The following PLEKHG4 variants were observed in gnomAD, a reference collection of about 807,000 sequenced individuals.
PLEKHG4 encodes the protein pleckstrin homology and RhoGEF domain containing G4.
In PLEKHG4, 85 loss-of-function variants were observed where a neutral mutation model predicts 136.9. That is an observed-to-expected ratio of 0.62 (90% CI 0.52 to 0.74). The LOEUF (loss-of-function observed/expected upper bound fraction) is 0.74. Among genes scored for constraint, PLEKHG4 ranks in the 30% least tolerant of loss-of-function variants. The pLI, the probability that PLEKHG4 is intolerant of heterozygous loss-of-function variation, is 0.00. For synonymous variants in PLEKHG4, 577 were observed against 646.9 expected (o/e 0.89, Z 1.64); for missense variants, 1,317 against 1,527.8 (o/e 0.86, Z 2.30).
Position 67,279,737 on chromosome 16 carries a change from G to T in PLEKHG4, c.-170+111G>T, listed in dbSNP as rs987059587. 55 of 307,166 alleles carry T rather than the reference G, an allele frequency of 1.8e-4. 1 individual carries two copies. The highest frequency in any genetic ancestry group is 4.2e-4 in the South Asian group (8 of 18,844). 19.0% of individuals were successfully genotyped at this position (307,166 alleles called of 1,614,324 possible). ...CCCGAGGCATCGTGGTGCCATGGCG[G>T]GGCCGCCCCCACGGGCATGGGCCTG... On this transcript the variant is annotated intron_variant, in intron 1 of 21. Transcript: ENST00000379344.
At position 67,288,888 on chromosome 16, in the gene PLEKHG4, G is replaced by C. The variant is rs982629584; in HGVS notation, c.*80G>C. Reference sequence around the variant, plus strand: ...CCTCTCTGGATCTGCTGTGACCAGGGTGTGGCTGACACCTGGGCTACCTCC... The same window carrying C: ...CCTCTCTGGATCTGCTGTGACCAGGCTGTGGCTGACACCTGGGCTACCTCC... On this transcript the variant is annotated 3_prime_UTR_variant, in exon 22 of 22. Transcript: ENST00000379344. 14 of 1,527,710 alleles carry C rather than the reference G, an allele frequency of 9.2e-6. No individual in the cohort carries two copies. Among genetic ancestry groups the C allele is most frequent in the Non-Finnish European group, 1.3e-5 (14 of 1,112,170 alleles). 94.6% of individuals were successfully genotyped at this position (1,527,710 alleles called of 1,614,324 possible). A position where few individuals can be genotyped will look rare whatever the true frequency, so the allele number is the denominator to read the frequency against.
intron 7 of PLEKHG4, 27 bp downstream of exon 7, chr16:67,281,864 G>A (rs756100080): frequency 4.4e-6 from 7 of 1,591,050 alleles, no homozygotes; most frequent in African/African-American, 1.3e-5. Flanking sequence ...GGGCATGGGG[G>A]CAGTCATATA....
Position 67,282,035 on chromosome 16 carries a change from C to T in PLEKHG4, c.1032C>T (p.Cys344=), listed in dbSNP as rs1395699996. 6.2e-7 allele frequency: 1 copy of T among 1,613,394 alleles called. No homozygotes were observed. Among genetic ancestry groups the T allele is most frequent in the Non-Finnish European group, 8.5e-7 (1 of 1,179,952 alleles). ...RRRLEALLQN[C]QAACALLQGA... ...GGCTGGAAGCTCTACTACAGAACTGCCAGGCAGCTTGTGCCCTGCTCCAGG... is the reference window on the plus strand; with the variant it reads ...GGCTGGAAGCTCTACTACAGAACTGTCAGGCAGCTTGTGCCCTGCTCCAGG... The change falls in exon 8 of 22, where the codon TGC becomes TGT. Residue 344 remains cysteine (C), a synonymous_variant. Coordinates refer to ENST00000379344, the MANE Select transcript of PLEKHG4 (RefSeq NM_001129729.3).
upstream of PLEKHG4, chr16:67,279,351 A>G: frequency 6.6e-6 from 1 of 151,072 alleles, no homozygotes; most frequent in South Asian, 1.9e-4. Context: ...CACGGAGAGG[A>G]CGGCGGCGGG....
intron 7 of PLEKHG4, 66 bp downstream of exon 7, chr16:67,281,903 C>G (rs1394142136): frequency 1.9e-6 from 3 of 1,546,684 alleles, no homozygotes; most frequent in Non-Finnish European, 8.9e-7. Flanking sequence ...AGGAGCCTCT[C>G]TGGGGCTGGC....
chr16:67,286,596 AG>A lies in PLEKHG4; in HGVS notation c.2685del (p.Ser896AlafsTer175). 6.4e-7 allele frequency: 1 copy of A among 1,560,572 alleles called. No individual in the cohort carries two copies. Among genetic ancestry groups the A allele is most frequent in the Non-Finnish European group, 8.7e-7 (1 of 1,151,722 alleles). ...TQELSALREA[Q>X]SLVHFQLRHG... ...GAGCTCAGTGCGCTGCGGGAGGCCC[AG>A]AGCCTTGTGCACTTCCAGCTGCGGC... On this transcript the variant is annotated frameshift_variant, in exon 16 of 22. Transcript: ENST00000379344. LOFTEE classifies it high-confidence loss of function.
chr16:67,286,437 G>T lies in PLEKHG4; in HGVS notation c.2533-8G>T. On this transcript the variant is annotated splice_region_variant and splice_polypyrimidine_tract_variant and intron_variant, in intron 15 of 21. Transcript: ENST00000379344. The stretch of plus-strand genomic sequence containing the variant: ...CAAACCACTCAGTGGCCTCCCATCC[G>T]CCCACAGGACAAGCAGCAAGCACTG... The T allele has an allele frequency of 6.2e-7, 1 of 1,612,540 alleles. No individual in the cohort carries two copies. The highest frequency in any genetic ancestry group is 8.5e-7 in the Non-Finnish European group (1 of 1,178,996).
upstream of PLEKHG4, chr16:67,278,379 G>C (rs949653674): frequency 1.3e-5 from 2 of 152,404 alleles, no homozygotes; most frequent in Non-Finnish European, 2.9e-5. Context: ...TCATGAAAGA[G>C]GTGCCTGCCT....
Position 67,286,559 on chromosome 16 carries a change from G to C in PLEKHG4, c.2647G>C (p.Gly883Arg). 6.4e-7 allele frequency: 1 copy of C among 1,565,444 alleles called. No individual in the cohort carries two copies. The highest frequency in any genetic ancestry group is 8.7e-7 in the Non-Finnish European group (1 of 1,154,110). The change falls in exon 16 of 22, where the codon GGC becomes CGC. Residue 883 changes from glycine to arginine, a missense_variant. By Grantham distance (125) the Gly-to-Arg change is moderately radical. Coordinates refer to ENST00000379344, the MANE Select transcript of PLEKHG4 (RefSeq NM_001129729.3). The part of the protein sequence containing the change: ...LLQELARACG[G>R]PTQELSALRE... ...GCAGGAGCTGGCACGGGCCTGCGGG[G>C]GCCCCACGCAGGAGCTCAGTGCGCT... is the stretch of plus-strand genomic sequence containing the variant.
intron 16 of PLEKHG4, 34 bp from the exon 17 acceptor site, chr16:67,286,715 G>A: frequency 6.2e-7 from 1 of 1,606,746 alleles, no homozygotes; most frequent in Non-Finnish European, 8.5e-7. Context: ...GAAGGCAGAA[G>A]AGGCTGGCCA....
In PLEKHG4 at chr16:67,286,568, C is replaced by A. The variant is rs1328920735; in HGVS notation, c.2656C>A (p.Gln886Lys). ...ELARACGGPT[Q>K]ELSALREAQS... ...GGCACGGGCCTGCGGGGGCCCCACG[C>A]AGGAGCTCAGTGCGCTGCGGGAGGC... Residue 886 changes from glutamine to lysine, a missense_variant, in exon 16 of 22, where the codon CAG (glutamine) becomes AAG (lysine). Coordinates refer to ENST00000379344, the MANE Select transcript of PLEKHG4 (RefSeq NM_001129729.3). The A allele has an allele frequency of 6.4e-7, 1 of 1,562,930 alleles. No individual in the cohort carries two copies. The highest frequency in any genetic ancestry group is 2.4e-5 in the East Asian group (1 of 41,678).
intron 18 of PLEKHG4, chr16:67,287,459 G>C (rs1043468730): frequency 7.2e-5 from 39 of 543,498 alleles, no homozygotes; most frequent in Non-Finnish European, 1.7e-5. Context: ...GCGTGCAGTG[G>C]CATGATCTTT....
chr16:67,278,472 C>T (rs764323948), upstream of PLEKHG4: 5 of 152,248 alleles, frequency 3.3e-5, no homozygotes, highest in Non-Finnish European at 7.3e-5. Flanking sequence ...TCAGGGTCTT[C>T]TCCTGGTCGC....
intron 15 of PLEKHG4, 26 bp from the exon 16 acceptor site, chr16:67,286,419 C>T (rs371902939): frequency 6.2e-7 from 1 of 1,610,736 alleles, no homozygotes; most frequent in Non-Finnish European, 8.5e-7. Context: ...CCCCAAACCA[C>T]TCAGTGGCCT....
upstream of PLEKHG4, chr16:67,278,493 T>A (rs1344196247): frequency 2.0e-5 from 3 of 152,232 alleles, no homozygotes; most frequent in Admixed American, 1.3e-4. Context: ...AGAGCTGACC[T>A]TCCCACAATC....
chr16:67,280,737 C>T lies in PLEKHG4; in HGVS notation c.526C>T (p.Pro176Ser), dbSNP rs2036173976. Residue 176 changes from proline (P) to serine (S), a missense_variant, in exon 3 of 22, where the codon CCT becomes TCT. Physicochemically the swap from Pro to Ser is moderately conservative, Grantham distance 74. Transcript: ENST00000379344. The surrounding 1 kb of genome is among the most constrained non-coding windows in gnomAD (Gnocchi z 4.4). The part of the protein sequence containing the change: ...AAPSGSGLPK[P>S]ADCLLAQDLC... ...CCCCAGTGGATCCGGCCTCCCTAAG[C>T]CTGCTGACTGCCTCCTGGCCCAAGA... 4.3e-6 allele frequency: 7 copies of T among 1,614,144 alleles called. No individual in the cohort carries two copies. The highest frequency in any genetic ancestry group is 5.1e-6 in the Non-Finnish European group (6 of 1,180,024).
In PLEKHG4 at chr16:67,282,346, A is replaced by G; in HGVS notation, c.1250A>G (p.Tyr417Cys). Residue 417 changes from tyrosine to cysteine, a missense_variant, in exon 9 of 22, where the codon TAC (tyrosine) becomes TGC (cysteine). Transcript: ENST00000379344. ...CCAGAGGTGACCCTGAGCCCAGACT[A>G]CAGGTGAGTGCAAGCCCGGCCCCCA... The part of the protein sequence containing the change: ...EVPEVTLSPD[Y>C]RTAMDKADEL... The G allele has an allele frequency of 1.9e-6, 3 of 1,612,426 alleles. No individual in the cohort carries two copies. The highest frequency in any genetic ancestry group is 2.5e-6 in the Non-Finnish European group (3 of 1,179,680).
At chr16:67,287,590 A>G (rs889415526) in intron 18 of PLEKHG4, 2 of 500,498 alleles carry the variant, frequency 4.0e-6, no homozygotes, top group African/African-American at 3.9e-5. Flanking sequence ...TAGAGGTCTC[A>G]TTATATTGCC....
Position 67,286,307 on chromosome 16 carries a change from A to C in PLEKHG4, c.2476A>C (p.Lys826Gln), listed in dbSNP as rs373253638. Residue 826 changes from lysine to glutamine, a missense_variant, in exon 15 of 22, where the codon AAG becomes CAG. Lys to Gln is a moderately conservative substitution (Grantham distance 53). Transcript: ENST00000379344. ...VQFGMYALYS[K>Q]NKPRSDALMS... ...GTTTGGGATGTACGCGCTCTACAGC[A>C]AGAATAAGCCTCGCTCCGATGCCCT... is the stretch of plus-strand genomic sequence containing the variant. 113 of 1,613,882 alleles carry C rather than the reference A, an allele frequency of 7.0e-5. No homozygotes were observed. Among genetic ancestry groups the C allele is most frequent in the Non-Finnish European group, 9.0e-5 (106 of 1,179,886 alleles).
Sources: gnomAD v4.1 joint callset for allele counts on GRCh38, gnomAD v4.1.1 for gene constraint, Gnocchi (gnomAD v3.1) non-coding constraint, MANE v1.5 for transcripts, NCBI Gene and HGNC (gene_info 2026-07-23, HGNC 2026-07-21) for gene names.